The following ARFGEF3 variants were observed in gnomAD, a reference collection of about 807,000 sequenced individuals.
ARFGEF3 encodes ARFGEF family member 3, also known as brefeldin A-inhibited guanine nucleotide-exchange protein 3.
A neutral mutation model predicts 221.7 loss-of-function variants in ARFGEF3; 96 were observed. The ratio of observed to expected loss-of-function variants is 0.43; its 90% CI spans 0.37 to 0.51. The LOEUF is 0.51. ARFGEF3 is among the 20% of genes least tolerant of loss of function. The pLI, the probability that ARFGEF3 is intolerant of heterozygous loss-of-function variation, is 0.00. For missense variants in ARFGEF3, 2,410 were observed against 2,789.9 expected (o/e 0.86, Z 3.07); for synonymous variants, 1,145 against 1,126.8 (o/e 1.02, Z -0.32).
At chr6:138,319,394 A>G (rs1446688560) in intron 27 of ARFGEF3, among the ~76,000 whole-genome samples, 1 of 152,114 alleles carries the variant, frequency 6.6e-6, no homozygotes, top group Non-Finnish European at 1.5e-5. Flanking sequence ...ATTTTCTTAT[A>G]CACACATGTG....
At chr6:138,296,740 C>A in intron 20 of ARFGEF3, 70 bp from the exon 21 acceptor site, 1 of 1,558,780 alleles carries the variant, frequency 6.4e-7, no homozygotes, top group Middle Eastern at 1.7e-4. Flanking sequence ...CAACCTCTCT[C>A]TTTGCTTGAA....
intron 4 of ARFGEF3, among the ~76,000 whole-genome samples, chr6:138,214,449 G>A (rs1349972911): frequency 1.3e-5 from 2 of 152,242 alleles, no homozygotes; most frequent in Non-Finnish European, 2.9e-5. Flanking sequence ...GTCTGGATAT[G>A]CTATTCAGGA....
At chr6:138,314,691 C>A (rs1483824042) in intron 26 of ARFGEF3, among the ~76,000 whole-genome samples, 1 of 152,132 alleles carries the variant, frequency 6.6e-6, no homozygotes, top group East Asian at 1.9e-4. Context: ...GAGAAATAGG[C>A]AAGACAGGAG....
rs980489257 is a variant in ARFGEF3, at chr6:138,342,445, A to C, written c.*5959A>C. 6.6e-6 allele frequency: 1 copy of C among 152,204 alleles called. No individual in the cohort carries two copies. Among genetic ancestry groups the C allele is most frequent in the Non-Finnish European group, 1.5e-5 (1 of 68,030 alleles). The allele number at this position is 152,204 out of a possible 1,614,324, so 9.4% of individuals were successfully genotyped here. A position where few individuals can be genotyped will look rare whatever the true frequency, so the allele number is the denominator to read the frequency against. On this transcript the variant is annotated 3_prime_UTR_variant, in exon 34 of 34. Coordinates refer to ENST00000251691, the MANE Select transcript of ARFGEF3 (RefSeq NM_020340.5). Reference sequence around the variant, plus strand: ...TACAGCAGTCTTGCTCAATCTTCCCAGTTTCCAGTTTTATTATACCAACAA... The same window carrying C: ...TACAGCAGTCTTGCTCAATCTTCCCCGTTTCCAGTTTTATTATACCAACAA...
intron 12 of ARFGEF3, among the ~76,000 whole-genome samples, chr6:138,278,054 G>A (rs1348179013): frequency 1.3e-5 from 2 of 152,166 alleles, no homozygotes; most frequent in Non-Finnish European, 2.9e-5. Flanking sequence ...GTGGCTGCGG[G>A]GAATGAGAGG....
intron 8 of ARFGEF3, among the ~76,000 whole-genome samples, chr6:138,250,085 A>T (rs894719590): frequency 1.3e-5 from 2 of 152,204 alleles, no homozygotes; most frequent in Non-Finnish European, 2.9e-5. Context: ...TACTCTCTGA[A>T]TAGGCGATTC....
Position 138,319,844 on chromosome 6 carries a change from T to G in ARFGEF3, c.4616T>G (p.Leu1539Arg). ...FKHAIGLSCE[L>R]VVEHIQSFLH... ...CACGCTATTGGTCTGTCCTGTGAGC[T>G]GGTGGTGGAGCACATTCAAAGCTTT... Residue 1539 changes from leucine (L) to arginine (R), a missense_variant, in exon 28 of 34, where the codon CTG (leucine) becomes CGG (arginine). Coordinates refer to ENST00000251691, the MANE Select transcript of ARFGEF3 (RefSeq NM_020340.5). 1 of 1,614,028 alleles carries G rather than the reference T, an allele frequency of 6.2e-7. No homozygotes were observed. The highest frequency in any genetic ancestry group is 8.5e-7 in the Non-Finnish European group (1 of 1,179,890).
chr6:138,246,165 G>C (rs148944445), intron 8 of ARFGEF3, among the ~76,000 whole-genome samples: 1 of 151,946 alleles, frequency 6.6e-6, no homozygotes, highest in African/African-American at 2.4e-5. Context: ...CCATCTTTCC[G>C]TGCAGTCATT....
intron 12 of ARFGEF3, among the ~76,000 whole-genome samples, chr6:138,274,007 CA>C (rs1209895318): frequency 6.6e-6 from 1 of 152,182 alleles, no homozygotes; most frequent in East Asian, 1.9e-4. Flanking sequence ...GGTAACCTGA[CA>C]AAGTCTTTCC....
At chr6:138,248,838 A>AAAT (rs1562367025) in intron 8 of ARFGEF3, among the ~76,000 whole-genome samples, 2 of 152,046 alleles carry the variant, frequency 1.3e-5, no homozygotes, top group African/African-American at 4.8e-5. Context: ...ATAAATAAAT[A>AAAT]AAATAAATAA....
At position 138,165,202 on chromosome 6, in the gene ARFGEF3, C is replaced by A. The variant is rs72986831; in HGVS notation, c.85+3031C>A. Among the ~76,000 whole-genome samples, 51 of 141,700 alleles carry A rather than the reference C, an allele frequency of 3.6e-4. No individual in the cohort carries two copies. In the East Asian group the frequency reaches 9.9e-3, roughly 27 times the overall value. The allele number at this position is 141,700 out of a possible 152,430, so 93.0% of individuals were successfully genotyped here. ...GGCATCCCCCTCTGAGACCATTGTG[C>A]GAGACAGGGGTCATCCCCCACTTAG... On this transcript the variant is annotated intron_variant, in intron 1 of 33. Transcript: ENST00000251691.
chr6:138,319,763 T>A lies in ARFGEF3; in HGVS notation c.4535T>A (p.Leu1512His). The change falls in exon 28 of 34, where the codon CTC (leucine) becomes CAC (histidine). Residue 1512 changes from leucine to histidine, a missense_variant. Coordinates refer to ENST00000251691, the MANE Select transcript of ARFGEF3 (RefSeq NM_020340.5). ...HLLLPVMSVW[L>H]RRSHKDHSYW... ...CTCCTTCCTGTGATGTCCGTTTGGC[T>A]CCGCCGGAGCCATAAAGACCATTCC... is the stretch of plus-strand genomic sequence containing the variant. 6.2e-7 allele frequency: 1 copy of A among 1,613,820 alleles called. No homozygotes were observed. Among genetic ancestry groups the A allele is most frequent in the South Asian group, 1.1e-5 (1 of 91,032 alleles).
At chr6:138,263,928 T>C (rs1778837242) in intron 12 of ARFGEF3, among the ~76,000 whole-genome samples, 1 of 152,214 alleles carries the variant, frequency 6.6e-6, no homozygotes. Flanking sequence ...TCTTAAAACA[T>C]TGAATTCCCA....
At position 138,162,175 on chromosome 6, in the gene ARFGEF3, A is replaced by C; in HGVS notation, c.85+4A>C. 1 of 1,595,322 alleles carries C rather than the reference A, an allele frequency of 6.3e-7. No individual in the cohort carries two copies. The highest frequency in any genetic ancestry group is 8.5e-7 in the Non-Finnish European group (1 of 1,170,110). On this transcript the variant is annotated splice_donor_region_variant and intron_variant, in intron 1 of 33. Coordinates refer to ENST00000251691, the MANE Select transcript of ARFGEF3 (RefSeq NM_020340.5). This position sits in a 1 kb window ranked among gnomAD's most constrained non-coding sequence, Gnocchi z 4.7. ...GAGAGCTGCACCTGGGCCCTGGGTA[A>C]GCGTCCGGCACCTGCTCGCCGCGGC... is the stretch of plus-strand genomic sequence containing the variant.
At chr6:138,269,467 G>A (rs1778958511) in intron 12 of ARFGEF3, among the ~76,000 whole-genome samples, 1 of 152,166 alleles carries the variant, frequency 6.6e-6, no homozygotes, top group Non-Finnish European at 1.5e-5. Context: ...AAATGAGTAT[G>A]TTATGCTGCC....
intron 8 of ARFGEF3, among the ~76,000 whole-genome samples, chr6:138,247,163 T>C (rs966686853): frequency 8.5e-5 from 13 of 152,150 alleles, no homozygotes; most frequent in Non-Finnish European, 1.9e-4. Flanking sequence ...TCAGGAGGGC[T>C]GAGTCCTACA....
rs1023534848 is a variant in ARFGEF3, at chr6:138,339,772, G to C, written c.*3286G>C. 7.2e-5 allele frequency: 11 copies of C among 152,152 alleles called. No individual in the cohort carries two copies. The highest frequency in any genetic ancestry group is 2.7e-4 in the African/African-American group (11 of 41,368). The allele number at this position is 152,152 out of a possible 1,614,324, so 9.4% of individuals were successfully genotyped here. On this transcript the variant is annotated 3_prime_UTR_variant, in exon 34 of 34. Coordinates refer to ENST00000251691, the MANE Select transcript of ARFGEF3 (RefSeq NM_020340.5). The stretch of plus-strand genomic sequence containing the variant: ...ATCTCCTGATCTGCTTTTAAAAATA[G>C]TTAGTTAGGCTGCCTTTTTACACCA...
chr6:138,315,258 T>G lies in ARFGEF3; in HGVS notation c.4345+1319T>G, dbSNP rs533853697. 2.1e-3 allele frequency among the ~76,000 whole-genome samples: 319 copies of G among 152,290 alleles called. 1 individual carries two copies. Among genetic ancestry groups the G allele is most frequent in the Non-Finnish European group, 3.3e-3 (223 of 68,018 alleles). ...ATGATTTTAAAGAATTTGTTTCCAATTAGGTCCCATGTGATCTCCTGTGAA... is the reference window on the plus strand; with the variant it reads ...ATGATTTTAAAGAATTTGTTTCCAAGTAGGTCCCATGTGATCTCCTGTGAA... On this transcript the variant is annotated intron_variant, in intron 26 of 33. Transcript: ENST00000251691.
At chr6:138,218,153 G>A in intron 4 of ARFGEF3, 1 of 1,613,964 alleles carries the variant, frequency 6.2e-7, no homozygotes, top group Non-Finnish European at 8.5e-7. Context: ...GCAAGGGTGT[G>A]AGAATTGCAT....
Sources: allele counts gnomAD v4.1 joint callset (sites outside exome capture counted in the v4.1 genomes callset), GRCh38; gene constraint gnomAD v4.1.1; non-coding constraint Gnocchi (gnomAD v3.1); transcripts MANE v1.5; gene names NCBI Gene and HGNC (gene_info 2026-07-23, HGNC 2026-07-21).